Variants in CRTAM observed in about 807,000 individuals in gnomAD.
CRTAM encodes the protein cytotoxic and regulatory T-cell molecule.
A neutral mutation model predicts 50.0 loss-of-function variants in CRTAM; 44 were observed. That is an observed-to-expected ratio of 0.88 (90% CI 0.69 to 1.13). The LOEUF (loss-of-function observed/expected upper bound fraction) is 1.13. CRTAM is among the 50% of genes most tolerant of loss of function. The pLI is 0.00. For synonymous variants in CRTAM, 159 were observed against 169.3 expected (o/e 0.94, Z 0.47); for missense variants, 448 against 457.5 (o/e 0.98, Z 0.19).
chr11:122,866,420 T>A (rs533883389), intron 7 of CRTAM, among the ~76,000 whole-genome samples: 30 of 152,254 alleles, frequency 2.0e-4, no homozygotes, highest in African/African-American at 6.7e-4. Flanking sequence ...TTTTGTTTGT[T>A]TTTATTAATT....
At chr11:122,866,879 G>A (rs542767492) in intron 7 of CRTAM, among the ~76,000 whole-genome samples, 1 of 152,046 alleles carries the variant, frequency 6.6e-6, no homozygotes, top group Non-Finnish European at 1.5e-5. Flanking sequence ...CCAAAGTGCT[G>A]GGATTACAGG....
chr11:122,871,562 A>G lies in CRTAM; in HGVS notation c.*163A>G. ...GATCTGCCCCGGAGCTAGGGCAGCA[A>G]CATGAGGACCAAACCATGCACATAA... On this transcript the variant is annotated 3_prime_UTR_variant, in exon 10 of 10. Transcript: ENST00000227348. 1.9e-6 allele frequency: 1 copy of G among 514,072 alleles called. No homozygotes were observed. The highest frequency in any genetic ancestry group is 3.3e-6 in the Non-Finnish European group (1 of 299,086). 31.8% of individuals were successfully genotyped at this position (514,072 alleles called of 1,614,324 possible). A position where few individuals can be genotyped will look rare whatever the true frequency, so the allele number is the denominator to read the frequency against.
intron 1 of CRTAM, among the ~76,000 whole-genome samples, chr11:122,845,896 C>G (rs1268488208): frequency 6.6e-6 from 1 of 151,944 alleles, no homozygotes; most frequent in East Asian, 1.9e-4. Flanking sequence ...TATTATGTTT[C>G]CCAGGCTGGT....
At position 122,851,896 on chromosome 11, in the gene CRTAM, GAT is replaced by G. The variant is rs764895361; in HGVS notation, c.346+54_346+55del. ...AGGGGAGCAATATGGATAGGAACACGATATGTCGTTTTTAAACTGAACCTTTT... is the reference window on the plus strand; with the variant it reads ...AGGGGAGCAATATGGATAGGAACACGATGTCGTTTTTAAACTGAACCTTTT... On this transcript the variant is annotated intron_variant, in intron 3 of 9. Transcript: ENST00000227348. The G allele has an allele frequency of 6.4e-6, 10 of 1,554,002 alleles. No homozygotes were observed. The South Asian group carries it at 8.0e-5, about 12-fold the overall frequency.
intron 7 of CRTAM, among the ~76,000 whole-genome samples, chr11:122,865,578 G>A (rs779162669): frequency 2.0e-5 from 3 of 152,060 alleles, no homozygotes; most frequent in Non-Finnish European, 4.4e-5. Flanking sequence ...GAGCCACTGT[G>A]CCCAGTAAGC....
intron 4 of CRTAM, 31 bp from the exon 5 acceptor site, chr11:122,855,664 A>AT (rs1403359393): frequency 3.1e-6 from 5 of 1,603,530 alleles, no homozygotes; most frequent in Non-Finnish European, 4.3e-6. Flanking sequence ...GTAGCATTAA[A>AT]TAGCCATAAC....
chr11:122,855,124 A>G (rs1240498098), intron 4 of CRTAM, among the ~76,000 whole-genome samples: 1 of 152,132 alleles, frequency 6.6e-6, no homozygotes, highest in African/African-American at 2.4e-5. Context: ...TTGTATTTTT[A>G]GTAGAGACAG....
At chr11:122,869,577 T>A (rs947313874) in intron 9 of CRTAM, among the ~76,000 whole-genome samples, 1 of 152,190 alleles carries the variant, frequency 6.6e-6, no homozygotes, top group African/African-American at 2.4e-5. Flanking sequence ...GCTAGGACTA[T>A]AGAAAAGCAA....
chr11:122,862,553 C>G lies in CRTAM; in HGVS notation c.733+9C>G, dbSNP rs373800697. On this transcript the variant is annotated intron_variant, in intron 6 of 9. Transcript: ENST00000227348. Reference sequence around the variant, plus strand: ...GCAGCCCACCAGTACTGGTAAGTGTCAAAATCATTCAAACTTGTTTTTAAA... The same window carrying G: ...GCAGCCCACCAGTACTGGTAAGTGTGAAAATCATTCAAACTTGTTTTTAAA... The G allele has an allele frequency of 4.7e-6, 7 of 1,491,706 alleles. No individual in the cohort carries two copies. The highest frequency in any genetic ancestry group is 6.5e-6 in the Non-Finnish European group (7 of 1,083,642). The allele number at this position is 1,491,706 out of a possible 1,614,324, so 92.4% of individuals were successfully genotyped here.
chr11:122,862,470 A>G lies in CRTAM; in HGVS notation c.659A>G (p.Asp220Gly). 1.9e-6 allele frequency: 3 copies of G among 1,611,226 alleles called. No individual in the cohort carries two copies. Among genetic ancestry groups the G allele is most frequent in the Non-Finnish European group, 2.5e-6 (3 of 1,177,362 alleles). The change falls in exon 6 of 10, where the codon GAT (aspartate) becomes GGT (glycine). Residue 220 changes from aspartate (D) to glycine (G), a missense_variant. Physicochemically the swap from Asp to Gly is moderately conservative, Grantham distance 94 (BLOSUM62 -1). Coordinates refer to ENST00000227348, the MANE Select transcript of CRTAM (RefSeq NM_019604.4). ...TGTTTTTCCCCTTTCCTAGTTACTG[A>G]TGAAGAGACAGCTTCAGATGCTCTG... ...APFRFEDLVTDEETASDALER... is the reference protein window; with the variant it reads ...APFRFEDLVTGEETASDALER...
At position 122,872,473 on chromosome 11, in the gene CRTAM, G is replaced by A. The variant is rs1344181853; in HGVS notation, c.*1074G>A. The stretch of plus-strand genomic sequence containing the variant: ...TTAATAAAAAGCAGAATAGATGTTT[G>A]TTTTTCTAGTGGTTATACCAAGTTA... On this transcript the variant is annotated 3_prime_UTR_variant, in exon 10 of 10. Coordinates refer to ENST00000227348, the MANE Select transcript of CRTAM (RefSeq NM_019604.4). The A allele has an allele frequency of 6.6e-6, 1 of 152,620 alleles. No homozygotes were observed. Among genetic ancestry groups the A allele is most frequent in the African/African-American group, 2.4e-5 (1 of 41,446 alleles). The allele number at this position is 152,620 out of a possible 1,614,324, so 9.5% of individuals were successfully genotyped here.
At position 122,853,926 on chromosome 11, in the gene CRTAM, A is replaced by T. The variant is rs34257988; in HGVS notation, c.347-17A>T. ...GACTCATATCTAATTAACACAGAAA[A>T]ATCCATTTTGTTCTAGCAACTCCTT... On this transcript the variant is annotated splice_polypyrimidine_tract_variant and intron_variant, in intron 3 of 9. Transcript: ENST00000227348. The T allele has an allele frequency of 2.5e-6, 4 of 1,612,264 alleles. No individual in the cohort carries two copies. The highest frequency in any genetic ancestry group is 3.4e-6 in the Non-Finnish European group (4 of 1,179,320).
chr11:122,864,454 C>A, intron 6 of CRTAM, 182 bp from the exon 7 acceptor site: 1 of 543,834 alleles, frequency 1.8e-6, no homozygotes, highest in Non-Finnish European at 3.3e-6. Flanking sequence ...AAAAATAAGG[C>A]AAAGTGAGCC....
At chr11:122,856,238 A>G (rs972970225) in intron 5 of CRTAM, among the ~76,000 whole-genome samples, 1 of 152,282 alleles carries the variant, frequency 6.6e-6, no homozygotes, top group African/African-American at 2.4e-5. Flanking sequence ...TAAATTGTCA[A>G]TATCATTTTA....
intron 1 of CRTAM, among the ~76,000 whole-genome samples, chr11:122,845,471 G>A (rs1198226796): frequency 6.6e-6 from 1 of 152,152 alleles, no homozygotes; most frequent in Non-Finnish European, 1.5e-5. Context: ...CACTTTGGGA[G>A]GCAGAGGTGG....
rs1429826464 is a variant in CRTAM, at chr11:122,851,758, AAC to A, written c.260_261del (p.Asn87SerfsTer6). The A allele has an allele frequency of 1.2e-6, 2 of 1,614,076 alleles. No homozygotes were observed. Among genetic ancestry groups the A allele is most frequent in the African/African-American group, 2.7e-5 (2 of 74,954 alleles). On this transcript the variant is annotated frameshift_variant, in exon 3 of 10. Transcript: ENST00000227348. LOFTEE classifies it high-confidence loss of function. The part of the protein sequence containing the change: ...SANQLSITVP[N>X]VTLQDEGVYK... ...CAATCAGCTCTCCATCACTGTGCCT[AAC>A]GTAACCCTGCAAGATGAAGGCGTGT...
At chr11:122,865,330 C>T (rs1021195223) in intron 7 of CRTAM, among the ~76,000 whole-genome samples, 3 of 152,174 alleles carry the variant, frequency 2.0e-5, no homozygotes, top group African/African-American at 7.2e-5. Flanking sequence ...CCACCGCGCC[C>T]GGCTGTTCTT....
chr11:122,862,087 T>C (rs564661534), intron 5 of CRTAM, among the ~76,000 whole-genome samples: 214 of 152,330 alleles, frequency 1.4e-3, no homozygotes, highest in African/African-American at 5.1e-3. Flanking sequence ...AGCACTGGAA[T>C]TCAGCCCAGT....
chr11:122,863,760 C>A (rs556129172), intron 6 of CRTAM, among the ~76,000 whole-genome samples: 2 of 152,182 alleles, frequency 1.3e-5, no homozygotes, highest in African/African-American at 2.4e-5. Context: ...TGCTACTGAG[C>A]AACTCAATTT....
Sources: gnomAD v4.1 joint callset for allele counts (sites outside exome capture counted in the v4.1 genomes callset) on GRCh38, gnomAD v4.1.1 for gene constraint, MANE v1.5 for transcripts, NCBI Gene and HGNC (gene_info 2026-07-23, HGNC 2026-07-21) for gene names.